The following SDK2 variants were observed in gnomAD, a reference collection of about 807,000 sequenced individuals.
The protein encoded by SDK2 is protein sidekick-2.
A neutral mutation model predicts 253.9 loss-of-function variants in SDK2; 105 were observed. That is an observed-to-expected ratio of 0.41 (90% CI 0.35 to 0.49). The LOEUF is 0.49. Ranked by LOEUF, SDK2 falls within the 20% of genes least tolerant of loss-of-function variation. The probability of loss-of-function intolerance (pLI) is 0.06; values close to 1 mark genes in which losing one functional copy is unlikely to be tolerated. For synonymous variants in SDK2, 1,249 were observed against 1,234.9 expected (o/e 1.01, Z -0.24); for missense variants, 2,608 against 3,003.0 (o/e 0.87, Z 3.07).
intron 28 of SDK2, 67 bp from the exon 29 acceptor site, chr17:73,390,548 G>A: frequency 6.7e-7 from 1 of 1,481,496 alleles, no homozygotes; most frequent in Non-Finnish European, 9.1e-7. Context: ...CCCGGGAAGG[G>A]TTGTTCCGTC....
intron 4 of SDK2, among the ~76,000 whole-genome samples, chr17:73,448,531 A>AT (rs1281115388): frequency 3.3e-5 from 5 of 151,674 alleles, no homozygotes; most frequent in African/African-American, 7.3e-5. Flanking sequence ...CCCCTGGCTA[A>AT]TTTTTTGTAT....
chr17:73,523,009 G>A (rs1005908538), intron 1 of SDK2, among the ~76,000 whole-genome samples: 1 of 152,186 alleles, frequency 6.6e-6, no homozygotes, highest in Non-Finnish European at 1.5e-5. Context: ...AGCTTCTCTA[G>A]TGGGAAGCAT....
intron 1 of SDK2, among the ~76,000 whole-genome samples, chr17:73,537,696 G>T (rs1282258996): frequency 6.6e-6 from 1 of 152,078 alleles, no homozygotes; most frequent in Non-Finnish European, 1.5e-5. Flanking sequence ...CTCAGGGAGG[G>T]AGAATTGCCT....
At chr17:73,461,595 C>A (rs912695996) in intron 3 of SDK2, among the ~76,000 whole-genome samples, 2 of 151,900 alleles carry the variant, frequency 1.3e-5, no homozygotes, top group South Asian at 4.2e-4. Flanking sequence ...GCCAGTGGGG[C>A]AGTGCCATGG....
chr17:73,522,743 A>G (rs1035926134), intron 1 of SDK2, among the ~76,000 whole-genome samples: 6 of 152,342 alleles, frequency 3.9e-5, no homozygotes, highest in South Asian at 2.1e-4. Flanking sequence ...ACCTGGGGCC[A>G]GCAGCTGATA....
intron 2 of SDK2, among the ~76,000 whole-genome samples, chr17:73,503,296 T>C (rs1418239964): frequency 2.0e-5 from 3 of 152,252 alleles, no homozygotes; most frequent in East Asian, 1.9e-4. Flanking sequence ...GGCTGCTTTT[T>C]AGATTGCAGT....
chr17:73,348,552 G>T, intron 44 of SDK2, 47 bp downstream of exon 44: 1 of 1,598,240 alleles, frequency 6.3e-7, no homozygotes, highest in South Asian at 1.1e-5. Context: ...ACTCTGGGAG[G>T]CGCTGCTCCC....
rs766940174 is a variant in SDK2, at chr17:73,338,696, G to A, written c.6410C>T (p.Pro2137Leu). The A allele has an allele frequency of 5.0e-6, 8 of 1,607,246 alleles. No individual in the cohort carries two copies. The Admixed American group carries it at 1.4e-4, about 27-fold the overall frequency. The change falls in exon 45 of 45, where the codon CCC (proline) becomes CTC (leucine). Residue 2137 changes from proline to leucine, a missense_variant. Around this residue, in one of 2 missense-constraint regions of SDK2, gnomAD observed 1,103 missense variants for 1,143.9 expected, o/e 0.96. Transcript: ENST00000392650. This position sits in a 1 kb window ranked among gnomAD's most constrained non-coding sequence, Gnocchi z 5.0. ...ACTTGGGGGGTTAGGGGGGTTCTGG[G>A]GCGTTGGAGTCCGACTGGCCTTGGG... Reference protein sequence around the residue: ...FRPKASRTPTPQNPPNPPSQQ... With the variant: ...FRPKASRTPTLQNPPNPPSQQ...
Position 73,383,128 on chromosome 17 carries a change from C to T in SDK2, c.4705+748G>A, listed in dbSNP as rs1228849762. ...CTCGGTCCACCCCGAGTCTGTGCCTCGGTTCCAACCTCCTGCTCTCTTGCC... is the reference window on the plus strand; with the variant it reads ...CTCGGTCCACCCCGAGTCTGTGCCTTGGTTCCAACCTCCTGCTCTCTTGCC... On this transcript the variant is annotated intron_variant, in intron 33 of 44. Coordinates refer to ENST00000392650, the MANE Select transcript of SDK2 (RefSeq NM_001144952.2). The surrounding 1 kb of genome is among the most constrained non-coding windows in gnomAD (Gnocchi z 4.3). Among the ~76,000 whole-genome samples the T allele has an allele frequency of 6.6e-6, 1 of 152,206 alleles. No homozygotes were observed. Among genetic ancestry groups the T allele is most frequent in the African/African-American group, 2.4e-5 (1 of 41,446 alleles).
chr17:73,566,077 TC>T (rs777531966), intron 1 of SDK2, among the ~76,000 whole-genome samples: 5 of 152,196 alleles, frequency 3.3e-5, no homozygotes, highest in Non-Finnish European at 7.4e-5. Context: ...CACCTTGGCC[TC>T]CCAAAGTCCT....
In SDK2 at chr17:73,443,459, G is replaced by C. The variant is rs1039726540; in HGVS notation, c.614-2536C>G. Among the ~76,000 whole-genome samples, 14 of 152,238 alleles carry C rather than the reference G, an allele frequency of 9.2e-5. No homozygotes were observed. The highest frequency in any genetic ancestry group is 4.4e-5 in the Non-Finnish European group (3 of 68,050). ...GCAGGTACCACGGCTCAGATTAATGGGGCACAAGTAAGAGACAGACAGTTA... is the reference window on the plus strand; with the variant it reads ...GCAGGTACCACGGCTCAGATTAATGCGGCACAAGTAAGAGACAGACAGTTA... On this transcript the variant is annotated intron_variant, in intron 5 of 44. Transcript: ENST00000392650. This position sits in a 1 kb window ranked among gnomAD's most constrained non-coding sequence, Gnocchi z 4.6.
At chr17:73,547,252 C>T (rs1247542536) in intron 1 of SDK2, among the ~76,000 whole-genome samples, 1 of 152,274 alleles carries the variant, frequency 6.6e-6, no homozygotes, top group Admixed American at 6.5e-5. Context: ...GCTCAACTTC[C>T]TCATCTGCAA....
At chr17:73,632,925 C>G (rs906645513) in intron 1 of SDK2, among the ~76,000 whole-genome samples, 2 of 152,112 alleles carry the variant, frequency 1.3e-5, no homozygotes, top group African/African-American at 4.8e-5. Context: ...TTTAACATAT[C>G]CTTTATGTGT....
rs941982549 is a variant in SDK2 at position 73,612,781 on chromosome 17, G to A, written c.64+31244C>T. Reference sequence around the variant, plus strand: ...AAAATACAAAAATTAGCTGTACCTGGTGGTGCGCACCTGTAGTCCCAGCTA... The same window carrying A: ...AAAATACAAAAATTAGCTGTACCTGATGGTGCGCACCTGTAGTCCCAGCTA... On this transcript the variant is annotated intron_variant, in intron 1 of 44. Transcript: ENST00000392650. This position sits in a 1 kb window ranked among gnomAD's most constrained non-coding sequence, Gnocchi z 4.4. 1.3e-5 allele frequency among the ~76,000 whole-genome samples: 2 copies of A among 152,078 alleles called. No homozygotes were observed. The highest frequency in any genetic ancestry group is 4.8e-5 in the African/African-American group (2 of 41,400).
intron 1 of SDK2, among the ~76,000 whole-genome samples, chr17:73,578,822 G>A (rs2045493560): frequency 6.6e-6 from 1 of 152,136 alleles, no homozygotes; most frequent in Non-Finnish European, 1.5e-5. Context: ...AGTCTAGGCC[G>A]ACCCCACTTC....
intron 2 of SDK2, among the ~76,000 whole-genome samples, chr17:73,494,292 A>G (rs2145734101): frequency 6.6e-6 from 1 of 152,230 alleles, no homozygotes; most frequent in African/African-American, 2.4e-5. Flanking sequence ...CAGGGCCACC[A>G]TGTCCCCCCT....
chr17:73,503,542 A>T (rs755945434), intron 2 of SDK2, among the ~76,000 whole-genome samples: 7 of 152,252 alleles, frequency 4.6e-5, no homozygotes, highest in Non-Finnish European at 8.8e-5. Context: ...AGGTGTTTAC[A>T]GTACTAACGA....
intron 1 of SDK2, among the ~76,000 whole-genome samples, chr17:73,562,587 TG>T (rs1476850014): frequency 3.1e-4 from 47 of 149,608 alleles, no homozygotes; most frequent in Non-Finnish European, 8.9e-5. Context: ...AAGGCAGGCG[TG>T]GGAGGGGGTT....
chr17:73,457,677 T>A (rs1259163148), intron 3 of SDK2, among the ~76,000 whole-genome samples: 2 of 151,890 alleles, frequency 1.3e-5, no homozygotes, highest in Non-Finnish European at 2.9e-5. Context: ...ATCACTAGGA[T>A]GTGCCTGGAC....
Sources: allele counts gnomAD v4.1 joint callset (sites outside exome capture counted in the v4.1 genomes callset), GRCh38; gene constraint gnomAD v4.1.1; regional missense constraint gnomAD v4.1.1; non-coding constraint Gnocchi (gnomAD v3.1); transcripts MANE v1.5; gene names NCBI Gene and HGNC (gene_info 2026-07-23, HGNC 2026-07-21).